Variants in SLC41A2 observed in about 807,000 individuals in gnomAD.
The protein encoded by SLC41A2 is SLC41A1-like 1.
In SLC41A2, 32 loss-of-function variants were observed where a neutral mutation model predicts 58.3. The observed-to-expected ratio is 0.55, with a 90% CI of 0.41 to 0.74. SLC41A2 has a LOEUF of 0.74. SLC41A2 is among the 30% of genes least tolerant of loss of function. The probability of loss-of-function intolerance (pLI) is 0.00; values close to 1 mark genes in which losing one functional copy is unlikely to be tolerated. For missense variants in SLC41A2, 514 were observed against 680.6 expected, an observed-to-expected ratio of 0.76 and a Z score of 2.72; for synonymous variants, 190 against 235.0, an observed-to-expected ratio of 0.81 and a Z score of 1.75.
intron 10 of SLC41A2, among the ~76,000 whole-genome samples, chr12:104,811,563 A>G (rs569241107): frequency 2.6e-5 from 4 of 152,236 alleles, no homozygotes; most frequent in Admixed American, 6.5e-5. Flanking sequence ...GAAGGGATAA[A>G]CAGGAGTTAC....
rs546112196 is a variant in SLC41A2 at position 104,882,029 on chromosome 12, T to C, written c.1027+4264A>G. ...TTGGGTGCATATATATTTAGGACTGTAAGCTCTTCTTGTTGAATTGATCCC... is the reference window on the plus strand; with the variant it reads ...TTGGGTGCATATATATTTAGGACTGCAAGCTCTTCTTGTTGAATTGATCCC... On this transcript the variant is annotated intron_variant, in intron 6 of 10. Coordinates refer to ENST00000258538, the MANE Select transcript of SLC41A2 (RefSeq NM_001352171.3). Among the ~76,000 whole-genome samples, 7 of 152,360 alleles carry C rather than the reference T, an allele frequency of 4.6e-5. No individual in the cohort carries two copies. The South Asian group carries it at 1.5e-3, about 32-fold the overall frequency.
intron 1 of SLC41A2, among the ~76,000 whole-genome samples, chr12:104,952,354 T>C (rs1442580711): frequency 6.6e-6 from 1 of 152,176 alleles, no homozygotes; most frequent in Non-Finnish European, 1.5e-5. Flanking sequence ...CAAAGGTACT[T>C]AGGCGAACGA....
At position 104,804,876 on chromosome 12, in the gene SLC41A2, T is replaced by A. The variant is rs543181347; in HGVS notation, c.*276A>T. ...GTTTTAAAATTATTCACTGTAAACA[T>A]CCTATATTCTTTCCTAATTAATTTC... On this transcript the variant is annotated 3_prime_UTR_variant, in exon 11 of 11. Coordinates refer to ENST00000258538, the MANE Select transcript of SLC41A2 (RefSeq NM_001352171.3). 41 of 228,426 alleles carry A rather than the reference T, an allele frequency of 1.8e-4. 1 individual carries two copies. The East Asian group carries it at 3.9e-3, about 21-fold the overall frequency. The allele number at this position is 228,426 out of a possible 1,614,324, so 14.1% of individuals were successfully genotyped here. A position where few individuals can be genotyped will look rare whatever the true frequency, so the allele number is the denominator to read the frequency against.
intron 3 of SLC41A2, among the ~76,000 whole-genome samples, chr12:104,904,266 T>C (rs10507187): frequency 0.038 from 5,823 of 152,284 alleles, 155 homozygotes; most frequent in East Asian, 0.11. Context: ...TCTTGTATGC[T>C]TAACTATGTT....
At chr12:104,843,776 A>G (rs2042504530) in intron 10 of SLC41A2, among the ~76,000 whole-genome samples, 1 of 152,122 alleles carries the variant, frequency 6.6e-6, no homozygotes, top group African/African-American at 2.4e-5. Context: ...CACTTTGAAA[A>G]TCGCTGATTT....
intron 10 of SLC41A2, among the ~76,000 whole-genome samples, chr12:104,823,572 T>A (rs1441321975): frequency 6.6e-6 from 1 of 152,104 alleles, no homozygotes; most frequent in African/African-American, 2.4e-5. Flanking sequence ...AACCGGATGT[T>A]CATACTGAAA....
intron 6 of SLC41A2, 126 bp downstream of exon 6, chr12:104,886,167 C>A: frequency 4.3e-6 from 4 of 932,326 alleles, no homozygotes; most frequent in Admixed American, 2.8e-5. Context: ...TGATAGTTAT[C>A]CTAATCAGTC....
intron 1 of SLC41A2, among the ~76,000 whole-genome samples, chr12:104,948,157 A>G (rs1400088918): frequency 3.3e-5 from 5 of 152,194 alleles, no homozygotes; most frequent in African/African-American, 1.2e-4. Context: ...GATCCCTAAA[A>G]ATTTTGCTTT....
chr12:104,856,014 G>A (rs1221098497), intron 8 of SLC41A2, among the ~76,000 whole-genome samples: 2 of 152,134 alleles, frequency 1.3e-5, no homozygotes, highest in African/African-American at 2.4e-5. Flanking sequence ...AGGACAAGTT[G>A]TTCTCAAACT....
chr12:104,930,513 C>T (rs1244714831), intron 1 of SLC41A2, among the ~76,000 whole-genome samples: 1 of 152,154 alleles, frequency 6.6e-6, no homozygotes, highest in African/African-American at 2.4e-5. Flanking sequence ...CCCAATAGAT[C>T]TTTAATCAAA....
chr12:104,892,308 A>T (rs1004493029), intron 4 of SLC41A2, among the ~76,000 whole-genome samples: 3 of 121,304 alleles, frequency 2.5e-5, no homozygotes, highest in South Asian at 2.5e-4. Context: ...AAAAAAAATA[A>T]AATAAAATAA....
chr12:104,917,981 AAAAT>A (rs947463840), intron 2 of SLC41A2, among the ~76,000 whole-genome samples: 4 of 148,146 alleles, frequency 2.7e-5, no homozygotes, highest in African/African-American at 7.3e-5. Flanking sequence ...ATAATAAAAT[AAAAT>A]AAATATATAT....
Position 104,853,918 on chromosome 12 carries a change from T to A in SLC41A2, c.1255+7373A>T, listed in dbSNP as rs1484462901. Among the ~76,000 whole-genome samples, 24 of 133,114 alleles carry A rather than the reference T, an allele frequency of 1.8e-4. 1 individual carries two copies. The East Asian group carries it at 2.1e-3, about 12-fold the overall frequency. The allele number at this position is 133,114 out of a possible 152,430, so 87.3% of individuals were successfully genotyped here. On this transcript the variant is annotated intron_variant, in intron 8 of 10. Transcript: ENST00000258538. Reference sequence around the variant, plus strand: ...TGTCACCATGCCTGGCTGATTTTTTTTTTTTTTTTTTTTTTTTTTTTAGTA... The same window carrying A: ...TGTCACCATGCCTGGCTGATTTTTTATTTTTTTTTTTTTTTTTTTTTAGTA...
chr12:104,897,144 C>CTTTTTTTTT (rs71440558), intron 3 of SLC41A2, among the ~76,000 whole-genome samples: 42 of 120,258 alleles, frequency 3.5e-4, no homozygotes, highest in East Asian at 9.2e-4. Context: ...TTTCTTTTTT[C>CTTTTTTTTT]TTTTTTTTTT....
At chr12:104,885,431 G>A (rs966391496) in intron 6 of SLC41A2, among the ~76,000 whole-genome samples, 1 of 152,050 alleles carries the variant, frequency 6.6e-6, no homozygotes, top group Non-Finnish European at 1.5e-5. Flanking sequence ...TTCTTAAAAC[G>A]AAACATGCTT....
chr12:104,941,063 T>C (rs1375992342), intron 1 of SLC41A2, among the ~76,000 whole-genome samples: 2 of 151,586 alleles, frequency 1.3e-5, no homozygotes, highest in Non-Finnish European at 2.9e-5. Context: ...GAGAGTGAAA[T>C]CAAACTTTCT....
intron 1 of SLC41A2, among the ~76,000 whole-genome samples, chr12:104,930,636 T>C (rs2047016169): frequency 6.6e-6 from 1 of 152,136 alleles, no homozygotes; most frequent in African/African-American, 2.4e-5. Context: ...ATGATCAAAA[T>C]GGAAATGCAG....
intron 1 of SLC41A2, among the ~76,000 whole-genome samples, chr12:104,948,337 A>T (rs1012326834): frequency 6.6e-6 from 1 of 152,198 alleles, no homozygotes; most frequent in Non-Finnish European, 1.5e-5. Context: ...CCACTCTCAG[A>T]CTTAAAAAGC....
At chr12:104,870,068 G>A (rs1593036177) in intron 6 of SLC41A2, among the ~76,000 whole-genome samples, 2 of 152,052 alleles carry the variant, frequency 1.3e-5, no homozygotes, top group Non-Finnish European at 1.5e-5. Flanking sequence ...TACCTTATAC[G>A]GCAAAAGGGG....
Sources: gnomAD v4.1 joint callset for allele counts (sites outside exome capture counted in the v4.1 genomes callset) on GRCh38, gnomAD v4.1.1 for gene constraint, MANE v1.5 for transcripts, NCBI Gene and HGNC (gene_info 2026-07-23, HGNC 2026-07-21) for gene names.